The following RAD54L2 variants were observed in gnomAD, a reference collection of about 807,000 sequenced individuals.
RAD54L2 encodes the protein helicase ARIP4.
Under a neutral mutation model 138.4 loss-of-function variants are expected in RAD54L2, and 27 were observed. The observed-to-expected ratio is 0.20, with a 90% CI of 0.14 to 0.27. RAD54L2 has a LOEUF of 0.27. RAD54L2 is among the 10% of genes least tolerant of loss of function. RAD54L2 has a pLI of 1.00. For synonymous variants in RAD54L2, 644 were observed against 723.2 expected, an observed-to-expected ratio of 0.89 and a Z score of 1.76; for missense variants, 1,396 against 1,890.2, an observed-to-expected ratio of 0.74 and a Z score of 4.85.
Position 51,645,330 on chromosome 3 carries a change from C to A in RAD54L2, c.2656+101C>A. 4 of 1,261,270 alleles carry A rather than the reference C, an allele frequency of 3.2e-6. No homozygotes were observed. The highest frequency in any genetic ancestry group is 4.4e-6 in the Non-Finnish European group (4 of 901,906). The allele number at this position is 1,261,270 out of a possible 1,614,324, so 78.1% of individuals were successfully genotyped here. On this transcript the variant is annotated intron_variant, in intron 17 of 22. Coordinates refer to ENST00000684192, the MANE Select transcript of RAD54L2 (RefSeq NM_015106.4). This position sits in a 1 kb window ranked among gnomAD's most constrained non-coding sequence, Gnocchi z 6.1. ...AGCAGGATATGGGAACACAGGCAGGCTTCGAGAAAGCCAGCATTTCCTCCT... is the reference window on the plus strand; with the variant it reads ...AGCAGGATATGGGAACACAGGCAGGATTCGAGAAAGCCAGCATTTCCTCCT...
intron 2 of RAD54L2, among the ~76,000 whole-genome samples, chr3:51,587,262 G>A (rs1336900127): frequency 1.3e-5 from 2 of 151,896 alleles, no homozygotes; most frequent in Non-Finnish European, 2.9e-5. Flanking sequence ...CACCACGCCC[G>A]GCTAATTTTT....
intron 2 of RAD54L2, among the ~76,000 whole-genome samples, chr3:51,577,098 AT>A (rs1197179564): frequency 6.6e-6 from 1 of 152,114 alleles, no homozygotes; most frequent in Non-Finnish European, 1.5e-5. Flanking sequence ...TCATTTCGTT[AT>A]GTACCCAGTA....
chr3:51,584,952 C>T (rs2106697372), intron 2 of RAD54L2, among the ~76,000 whole-genome samples: 1 of 151,872 alleles, frequency 6.6e-6, no homozygotes, highest in Non-Finnish European at 1.5e-5. Context: ...ACTACAGGTA[C>T]ACACCACTAT....
intron 15 of RAD54L2, among the ~76,000 whole-genome samples, chr3:51,643,387 C>T (rs374379969): frequency 1.3e-5 from 2 of 152,320 alleles, no homozygotes; most frequent in Admixed American, 1.3e-4. Context: ...TTCATGTGTT[C>T]CATCCTACTG....
chr3:51,629,582 G>A (rs1005615872), intron 5 of RAD54L2, 109 bp downstream of exon 5: 16 of 1,377,118 alleles, frequency 1.2e-5, no homozygotes, highest in Middle Eastern at 2.6e-4. Flanking sequence ...CTCTCGGCTG[G>A]GCGCGGTGGC....
intron 2 of RAD54L2, among the ~76,000 whole-genome samples, chr3:51,578,734 A>G (rs928926372): frequency 1.1e-4 from 17 of 152,064 alleles, no homozygotes; most frequent in African/African-American, 4.1e-4. Flanking sequence ...GGCAGCATCT[A>G]GGGGAGGGTG....
chr3:51,580,289 A>G (rs1034832913), intron 2 of RAD54L2, among the ~76,000 whole-genome samples: 8 of 152,190 alleles, frequency 5.3e-5, no homozygotes, highest in African/African-American at 1.9e-4. Flanking sequence ...GGTGAAGTGG[A>G]AGAGATGCCA....
intron 21 of RAD54L2, 87 bp from the exon 22 acceptor site, chr3:51,659,939 C>A (rs899177669): frequency 1.0e-6 from 1 of 955,048 alleles, no homozygotes; most frequent in Non-Finnish European, 1.6e-6. Context: ...TAGCTATTTA[C>A]AAGCCCACGG....
rs79650634 is a variant in RAD54L2, at chr3:51,667,241, G to A, written c.*3821G>A. 7,351 of 150,494 alleles carry A rather than the reference G, an allele frequency of 0.049. 753 individuals carry two copies. Among genetic ancestry groups the A allele is most frequent in the East Asian group, 0.33 (1,659 of 5,086 alleles). 9.3% of individuals were successfully genotyped at this position (150,494 alleles called of 1,614,324 possible). On this transcript the variant is annotated 3_prime_UTR_variant, in exon 23 of 23. Coordinates refer to ENST00000684192, the MANE Select transcript of RAD54L2 (RefSeq NM_015106.4). Reference sequence around the variant, plus strand: ...AGTGCAATGGTGTGATCTTGGCTCCGTGCAACCTCCACTCCCGGTTTCAAG... The same window carrying A: ...AGTGCAATGGTGTGATCTTGGCTCCATGCAACCTCCACTCCCGGTTTCAAG...
chr3:51,611,775 C>T (rs910747937), intron 3 of RAD54L2, among the ~76,000 whole-genome samples: 12 of 152,152 alleles, frequency 7.9e-5, no homozygotes, highest in Non-Finnish European at 1.3e-4. Flanking sequence ...CCAGGCTGGT[C>T]ATGAACTCCT....
rs781711265 is a variant in RAD54L2 at position 51,646,465 on chromosome 3, T to A, written c.3010T>A (p.Phe1004Ile). The A allele has an allele frequency of 6.2e-7, 1 of 1,608,446 alleles. No individual in the cohort carries two copies. Among genetic ancestry groups the A allele is most frequent in the Non-Finnish European group, 8.5e-7 (1 of 1,176,608 alleles). Residue 1004 changes from phenylalanine to isoleucine, a missense_variant, in exon 19 of 23, where the codon TTC becomes ATC. By Grantham distance (21) the Phe-to-Ile change is conservative (BLOSUM62 0). Coordinates refer to ENST00000684192, the MANE Select transcript of RAD54L2 (RefSeq NM_015106.4). ...SDQSLTSIPA[F>I]SQRNWQPTLK... ...TCAGAGCCTGACCAGCATCCCCGCC[T>A]TCAGCCAGAGAAACTGGTGAGTTGC...
At chr3:51,616,663 A>C (rs927131298) in intron 3 of RAD54L2, among the ~76,000 whole-genome samples, 2 of 152,136 alleles carry the variant, frequency 1.3e-5, no homozygotes, top group Non-Finnish European at 2.9e-5. Flanking sequence ...CCCCGTCTCT[A>C]CTAAAAATAG....
At chr3:51,569,633 T>TG (rs1559620161) in intron 2 of RAD54L2, among the ~76,000 whole-genome samples, 2 of 152,078 alleles carry the variant, frequency 1.3e-5, no homozygotes, top group Admixed American at 6.6e-5. Flanking sequence ...CCGCCTGCCT[T>TG]GGCCTCCCAA....
At chr3:51,548,580 T>G (rs1335037916) in intron 2 of RAD54L2, among the ~76,000 whole-genome samples, 3 of 152,116 alleles carry the variant, frequency 2.0e-5, no homozygotes, top group Non-Finnish European at 4.4e-5. Context: ...CCCGAAAAGG[T>G]GAAGTGGCTT....
chr3:51,554,339 C>A (rs1698913163), intron 2 of RAD54L2, among the ~76,000 whole-genome samples: 1 of 151,118 alleles, frequency 6.6e-6, no homozygotes. Flanking sequence ...TGCACTCCAG[C>A]CTGGGCGACA....
chr3:51,541,655 G>A lies in RAD54L2; in HGVS notation c.-55+5G>A, dbSNP rs1309638566. Reference sequence around the variant, plus strand: ...AACAGGAGGAGTAAGATTGAGGTAAGGCTCAGTCTGTTTGAAAGTCATTTG... The same window carrying A: ...AACAGGAGGAGTAAGATTGAGGTAAAGCTCAGTCTGTTTGAAAGTCATTTG... On this transcript the variant is annotated splice_donor_5th_base_variant and intron_variant, in intron 2 of 22. Coordinates refer to ENST00000684192, the MANE Select transcript of RAD54L2 (RefSeq NM_015106.4). 6.6e-6 allele frequency: 1 copy of A among 152,150 alleles called. No individual in the cohort carries two copies. Among genetic ancestry groups the A allele is most frequent in the Non-Finnish European group, 1.5e-5 (1 of 68,020 alleles). The allele number at this position is 152,150 out of a possible 1,614,324, so 9.4% of individuals were successfully genotyped here.
At chr3:51,627,778 G>A (rs757074563) in intron 4 of RAD54L2, 24 bp downstream of exon 4, 19 of 1,611,064 alleles carry the variant, frequency 1.2e-5, no homozygotes, top group Non-Finnish European at 1.4e-5. Context: ...TGTGTAAGAG[G>A]AGAGGGAAAG....
Position 51,630,296 on chromosome 3 carries a change from A to G in RAD54L2, c.506A>G (p.Asp169Gly). The change falls in exon 6 of 23, where the codon GAC becomes GGC. Residue 169 changes from aspartate to glycine, a missense_variant. Physicochemically the swap from Asp to Gly is moderately conservative, Grantham distance 94. Coordinates refer to ENST00000684192, the MANE Select transcript of RAD54L2 (RefSeq NM_015106.4). ...GAGGAAATTGCTTTAAGGGCAAGTG[A>G]CGGTCCCCAACTGCCTCCTCGGGTC... Reference protein sequence around the residue: ...LPEEIALRASDGPQLPPRVLA... With the variant: ...LPEEIALRASGGPQLPPRVLA... 6.2e-7 allele frequency: 1 copy of G among 1,614,034 alleles called. No homozygotes were observed. The highest frequency in any genetic ancestry group is 8.5e-7 in the Non-Finnish European group (1 of 1,179,880).
intron 2 of RAD54L2, among the ~76,000 whole-genome samples, chr3:51,576,711 A>G (rs1214597924): frequency 6.6e-6 from 1 of 151,646 alleles, no homozygotes; most frequent in Non-Finnish European, 1.5e-5. Context: ...TATCATTTTT[A>G]TTGTGTCTAT....
Sources: gnomAD v4.1 joint callset for allele counts (sites outside exome capture counted in the v4.1 genomes callset) on GRCh38, gnomAD v4.1.1 for gene constraint, Gnocchi (gnomAD v3.1) non-coding constraint, MANE v1.5 for transcripts, NCBI Gene and HGNC (gene_info 2026-07-23, HGNC 2026-07-21) for gene names.